Variants in DNAJC11 observed in about 807,000 individuals in gnomAD.
DNAJC11 encodes dnaJ homolog subfamily C member 11.
In DNAJC11, 15 loss-of-function variants were observed where a neutral mutation model predicts 78.6. The ratio of observed to expected loss-of-function variants is 0.19; its 90% CI spans 0.13 to 0.29. DNAJC11 has a LOEUF of 0.29. Ranked by LOEUF, DNAJC11 falls within the 10% of genes least tolerant of loss-of-function variation. The probability of loss-of-function intolerance (pLI) is 1.00; values close to 1 mark genes in which losing one functional copy is unlikely to be tolerated. For missense variants in DNAJC11, 547 were observed against 709.6 expected (o/e 0.77, Z 2.60); for synonymous variants, 292 against 272.1 (o/e 1.07, Z -0.72).
intron 1 of DNAJC11, among the ~76,000 whole-genome samples, chr1:6,697,947 C>A (rs992070061): frequency 1.3e-5 from 2 of 152,056 alleles, no homozygotes; most frequent in East Asian, 1.9e-4. Flanking sequence ...CCCGCCACCA[C>A]GCCCGGCTAA....
At chr1:6,690,486 CT>C (rs1360809691) in intron 1 of DNAJC11, among the ~76,000 whole-genome samples, 1 of 152,214 alleles carries the variant, frequency 6.6e-6, no homozygotes, top group Non-Finnish European at 1.5e-5. Context: ...GATCTGACTC[CT>C]GCGGCTGTGC....
At chr1:6,700,487 G>A (rs540810012) in intron 1 of DNAJC11, among the ~76,000 whole-genome samples, 2 of 152,302 alleles carry the variant, frequency 1.3e-5, no homozygotes. Flanking sequence ...CTAGCATGGA[G>A]CTCACAAGCT....
At chr1:6,696,987 T>C (rs1642847256) in intron 1 of DNAJC11, among the ~76,000 whole-genome samples, 1 of 152,242 alleles carries the variant, frequency 6.6e-6, no homozygotes, top group African/African-American at 2.4e-5. Context: ...AATTTCCTAA[T>C]TAATGGATCA....
intron 4 of DNAJC11, among the ~76,000 whole-genome samples, chr1:6,658,212 T>G (rs577369863): frequency 6.6e-6 from 1 of 152,266 alleles, no homozygotes; most frequent in African/African-American, 2.4e-5. Context: ...ACACAATACC[T>G]GAAGCGTCTA....
intron 3 of DNAJC11, among the ~76,000 whole-genome samples, chr1:6,671,819 G>A (rs1557481333): frequency 1.3e-5 from 2 of 152,086 alleles, no homozygotes; most frequent in South Asian, 2.1e-4. Context: ...TGCGCCCAGC[G>A]ATATTTTATT....
intron 1 of DNAJC11, among the ~76,000 whole-genome samples, chr1:6,683,976 T>C (rs1642594494): frequency 6.6e-6 from 1 of 152,218 alleles, no homozygotes; most frequent in African/African-American, 2.4e-5. Context: ...AACCCTGGTG[T>C]TTCAAACATA....
intron 12 of DNAJC11, 129 bp downstream of exon 12, chr1:6,638,166 A>G (rs1570261512): frequency 1.0e-5 from 9 of 873,960 alleles, no homozygotes; most frequent in East Asian, 5.3e-5. Context: ...GCATCCCACA[A>G]TAAAGACTAA....
chr1:6,646,051 C>A, intron 7 of DNAJC11, 73 bp from the exon 8 acceptor site: 1 of 1,494,034 alleles, frequency 6.7e-7, no homozygotes, highest in Non-Finnish European at 9.3e-7. Context: ...TCCTCTCTGC[C>A]TGGCTAAGAC....
In DNAJC11 at chr1:6,665,324, C is replaced by T. The variant is rs531788055; in HGVS notation, c.378+2385G>A. On this transcript the variant is annotated intron_variant, in intron 4 of 15. Transcript: ENST00000377577. ...ACTCAAGCAATCCTCCTGCCTTGGC[C>T]TCCCAAAGTGCTGGGATTACAGGCA... Among the ~76,000 whole-genome samples the T allele has an allele frequency of 2.3e-4, 35 of 152,326 alleles. 2 individuals are homozygous for T. The South Asian group carries it at 7.0e-3, about 31-fold the overall frequency.
intron 10 of DNAJC11, among the ~76,000 whole-genome samples, chr1:6,643,747 A>C (rs200459): frequency 0.87 from 132,053 of 152,140 alleles, 57,642 homozygotes; most frequent in Admixed American, 0.93. Flanking sequence ...CTCCAGGAGG[A>C]CTGGGCTGCT....
At chr1:6,664,832 G>A (rs1355905397) in intron 4 of DNAJC11, among the ~76,000 whole-genome samples, 1 of 152,174 alleles carries the variant, frequency 6.6e-6, no homozygotes, top group Non-Finnish European at 1.5e-5. Flanking sequence ...CCTGCCTCCT[G>A]CTGGCAGCTG....
At chr1:6,650,040 T>C (rs772614357) in intron 7 of DNAJC11, among the ~76,000 whole-genome samples, 60 of 151,518 alleles carry the variant, frequency 4.0e-4, no homozygotes, top group Non-Finnish European at 5.3e-4. Flanking sequence ...TGCCAGCACT[T>C]TGGGAGGCCA....
rs1004938206 is a variant in DNAJC11, at chr1:6,635,345, A to G, written c.*330T>C. 4.2e-5 allele frequency: 11 copies of G among 259,928 alleles called. No individual in the cohort carries two copies. In the South Asian group the frequency reaches 4.9e-4, roughly 12 times the overall value. The allele number at this position is 259,928 out of a possible 1,614,324, so 16.1% of individuals were successfully genotyped here. On this transcript the variant is annotated 3_prime_UTR_variant, in exon 16 of 16. Transcript: ENST00000377577. The stretch of plus-strand genomic sequence containing the variant: ...ACAGACACCTCCAGACCCAGCCAAG[A>G]ACTACAGGGCGGCGGGCTGCGGTCA...
At chr1:6,688,397 G>A (rs1270489920) in intron 1 of DNAJC11, among the ~76,000 whole-genome samples, 1 of 152,174 alleles carries the variant, frequency 6.6e-6, no homozygotes, top group Non-Finnish European at 1.5e-5. Flanking sequence ...TAGACAAGGT[G>A]AGTATGTCAT....
intron 3 of DNAJC11, among the ~76,000 whole-genome samples, chr1:6,669,789 C>G (rs570156579): frequency 6.3e-4 from 96 of 151,968 alleles, no homozygotes; most frequent in Admixed American, 2.3e-3. Context: ...TTTTCTATCA[C>G]GACCAAAGTT....
rs1557485019 is a variant in DNAJC11, at chr1:6,680,862, ATATCTGT to A, written c.202+39_202+45del. ...ACAAATCGCACCTCCTAAAAATCGA[ATATCTGT>A]TACCAGGATGTTTCTACAAAGTCCG... On this transcript the variant is annotated intron_variant, in intron 2 of 15. Coordinates refer to ENST00000377577, the MANE Select transcript of DNAJC11 (RefSeq NM_018198.4). The surrounding 1 kb of genome is among the most constrained non-coding windows in gnomAD (Gnocchi z 4.0). 6.3e-7 allele frequency: 1 copy of A among 1,598,294 alleles called. No individual in the cohort carries two copies. Among genetic ancestry groups the A allele is most frequent in the African/African-American group, 1.3e-5 (1 of 74,466 alleles).
chr1:6,644,694 T>TCTGTGC lies in DNAJC11; in HGVS notation c.981-26_981-21dup. 6.3e-7 allele frequency: 1 copy of TCTGTGC among 1,599,122 alleles called. No individual in the cohort carries two copies. Among genetic ancestry groups the TCTGTGC allele is most frequent in the African/African-American group, 1.3e-5 (1 of 74,766 alleles). ...CCTGCTCTGCAGGGAGAGAACGCGG[T>TCTGTGC]CTGTGCCTGTGCCCCTCATTCATCA... On this transcript the variant is annotated intron_variant, in intron 9 of 15. Coordinates refer to ENST00000377577, the MANE Select transcript of DNAJC11 (RefSeq NM_018198.4).
At chr1:6,662,280 G>A (rs4642903) in intron 4 of DNAJC11, among the ~76,000 whole-genome samples, 1 of 151,654 alleles carries the variant, frequency 6.6e-6, no homozygotes, top group Admixed American at 6.6e-5. Context: ...TGCAACCCCC[G>A]CCTCCCAGGT....
At chr1:6,635,741 C>T (rs978357271) in intron 15 of DNAJC11, 41 bp from the exon 16 acceptor site, 5 of 1,612,362 alleles carry the variant, frequency 3.1e-6, no homozygotes, top group Middle Eastern at 1.6e-4. Flanking sequence ...AGAAGGTGGC[C>T]ATTCCCATGC....
Sources: allele counts gnomAD v4.1 joint callset (sites outside exome capture counted in the v4.1 genomes callset), GRCh38; gene constraint gnomAD v4.1.1; non-coding constraint Gnocchi (gnomAD v3.1); transcripts MANE v1.5; gene names NCBI Gene and HGNC (gene_info 2026-07-23, HGNC 2026-07-21).